Variants in DENND1B observed in about 807,000 individuals in gnomAD.
DENND1B encodes the protein DENN domain containing 1B, also known as DENN domain-containing protein 1B.
A neutral mutation model predicts 90.1 loss-of-function variants in DENND1B; 59 were observed. The observed-to-expected ratio is 0.65, with a 90% CI of 0.53 to 0.81. The LOEUF (loss-of-function observed/expected upper bound fraction) is 0.81, where lower values mean the gene tolerates loss of function less well. Among genes scored for constraint, DENND1B ranks in the 40% least tolerant of loss-of-function variants. The probability of loss-of-function intolerance (pLI) is 0.00; values close to 1 mark genes in which losing one functional copy is unlikely to be tolerated. For missense variants in DENND1B, 862 were observed against 912.6 expected, an observed-to-expected ratio of 0.94 and a Z score of 0.71; for synonymous variants, 337 against 324.6, an observed-to-expected ratio of 1.04 and a Z score of -0.41.
At chr1:197,685,119 A>AAAAAC (rs906059784) in intron 3 of DENND1B, among the ~76,000 whole-genome samples, 1 of 152,186 alleles carries the variant, frequency 6.6e-6, no homozygotes, top group Non-Finnish European at 1.5e-5. Context: ...CTCCATCTCA[A>AAAAAC]AAAACAAAAC....
intron 6 of DENND1B, among the ~76,000 whole-genome samples, chr1:197,654,905 G>C (rs1653641938): frequency 6.6e-6 from 1 of 152,168 alleles, no homozygotes; most frequent in Admixed American, 6.5e-5. Context: ...TGGGCAGACA[G>C]AAATGTCTAT....
rs1409909252 is a variant in DENND1B, at chr1:197,539,974, T to G, written c.1505A>C (p.Lys502Thr). ...AATAACCTTACTTACCTGAGCAAGC[T>G]TACGCTTTTCTGAGTTTCCTCCCTT... Reference protein sequence around the residue: ...NEKGGNSEKRKLAQARLKRPL... With the variant: ...NEKGGNSEKRTLAQARLKRPL... The change falls in exon 20 of 23, where the codon AAG (lysine) becomes ACG (threonine). Residue 502 changes from lysine (K) to threonine (T), a missense_variant. Coordinates refer to ENST00000620048, the MANE Select transcript of DENND1B (RefSeq NM_001195215.2). The G allele has an allele frequency of 6.2e-7, 1 of 1,612,578 alleles. No individual in the cohort carries two copies.
At chr1:197,567,995 G>GGGGA (rs1252222478) in intron 15 of DENND1B, among the ~76,000 whole-genome samples, 11 of 151,172 alleles carry the variant, frequency 7.3e-5, no homozygotes, top group East Asian at 3.9e-4. Flanking sequence ...GGGGAGATGA[G>GGGGA]GGGAGGGAGG....
intron 10 of DENND1B, among the ~76,000 whole-genome samples, chr1:197,634,351 T>C (rs79211976): frequency 8.8e-4 from 134 of 152,316 alleles, no homozygotes; most frequent in Middle Eastern, 6.8e-3. Flanking sequence ...ACAAAGGCTG[T>C]TACTTTATGA....
At chr1:197,526,599 C>T (rs1410693728) in intron 20 of DENND1B, among the ~76,000 whole-genome samples, 1 of 152,090 alleles carries the variant, frequency 6.6e-6, no homozygotes, top group African/African-American at 2.4e-5. Flanking sequence ...AAATGTCAGT[C>T]ATTTCTGGCA....
chr1:197,679,586 A>G (rs1438756674), intron 3 of DENND1B, among the ~76,000 whole-genome samples: 4 of 150,834 alleles, frequency 2.7e-5, no homozygotes, highest in African/African-American at 7.3e-5. Flanking sequence ...ATATACACAC[A>G]TATATTCCAT....
intron 3 of DENND1B, among the ~76,000 whole-genome samples, chr1:197,687,808 C>T (rs1328839035): frequency 6.6e-6 from 1 of 151,986 alleles, no homozygotes; most frequent in Non-Finnish European, 1.5e-5. Context: ...CTGGAAGTCA[C>T]AGTCAGAGCA....
chr1:197,646,945 AATTCACC>A, intron 8 of DENND1B, 103 bp downstream of exon 8: 1 of 747,550 alleles, frequency 1.3e-6, no homozygotes, highest in South Asian at 2.2e-5. Flanking sequence ...TTAAGAGTCA[AATTCACC>A]ATTTCCCAAA....
chr1:197,694,064 T>C lies in DENND1B; in HGVS notation c.127-19895A>G, dbSNP rs78396292. On this transcript the variant is annotated intron_variant, in intron 3 of 22. Coordinates refer to ENST00000620048, the MANE Select transcript of DENND1B (RefSeq NM_001195215.2). ...GGCTTAAATTTTAAATATTAATAAG[T>C]AACCTGACAATACTTCCTTTAAATC... is the stretch of plus-strand genomic sequence containing the variant. Among the ~76,000 whole-genome samples the C allele has an allele frequency of 6.5e-3, 982 of 151,558 alleles. 9 individuals are homozygous for C. Among genetic ancestry groups the C allele is most frequent in the East Asian group, 0.02 (103 of 5,182 alleles).
chr1:197,773,614 G>C (rs1057085772), intron 1 of DENND1B, among the ~76,000 whole-genome samples: 1 of 152,174 alleles, frequency 6.6e-6, no homozygotes. Flanking sequence ...CCAGCCATCT[G>C]CTTCCATGTT....
chr1:197,770,266 G>C (rs990096987), intron 2 of DENND1B, among the ~76,000 whole-genome samples: 1 of 151,910 alleles, frequency 6.6e-6, no homozygotes, highest in Non-Finnish European at 1.5e-5. Flanking sequence ...AACTTTACCA[G>C]GCTAGATATA....
intron 5 of DENND1B, among the ~76,000 whole-genome samples, chr1:197,662,994 G>T (rs894794866): frequency 6.6e-6 from 1 of 151,982 alleles, no homozygotes; most frequent in East Asian, 1.9e-4. Context: ...TTTTAAGTTT[G>T]GTATTGCTTC....
intron 20 of DENND1B, among the ~76,000 whole-genome samples, chr1:197,525,175 T>C (rs907363540): frequency 6.6e-6 from 1 of 152,142 alleles, no homozygotes; most frequent in African/African-American, 2.4e-5. Flanking sequence ...GTTAATACTT[T>C]TAGCCAACTT....
At chr1:197,685,955 T>C (rs551815509) in intron 3 of DENND1B, among the ~76,000 whole-genome samples, 15 of 152,326 alleles carry the variant, frequency 9.8e-5, no homozygotes, top group Admixed American at 8.5e-4. Context: ...GCCAATTTTG[T>C]TCTTAGTTCT....
At chr1:197,772,004 A>G (rs1656676606) in intron 2 of DENND1B, among the ~76,000 whole-genome samples, 1 of 152,192 alleles carries the variant, frequency 6.6e-6, no homozygotes, top group Non-Finnish European at 1.5e-5. Context: ...TCTTTTCAGG[A>G]AATTGTACGG....
intron 20 of DENND1B, among the ~76,000 whole-genome samples, chr1:197,535,125 T>C (rs1301336082): frequency 6.6e-6 from 1 of 152,198 alleles, no homozygotes; most frequent in East Asian, 1.9e-4. Flanking sequence ...TTTCCACCTG[T>C]AGCCTTTTTT....
intron 2 of DENND1B, among the ~76,000 whole-genome samples, chr1:197,769,644 CTCTATT>C (rs1656151482): frequency 1.3e-5 from 2 of 152,166 alleles, no homozygotes; most frequent in Non-Finnish European, 2.9e-5. Context: ...TCTCTAGTTT[CTCTATT>C]ATTTAAACCA....
At chr1:197,640,777 C>T (rs1680204355) in intron 10 of DENND1B, among the ~76,000 whole-genome samples, 1 of 152,154 alleles carries the variant, frequency 6.6e-6, no homozygotes, top group Non-Finnish European at 1.5e-5. Flanking sequence ...ACTCACATAG[C>T]TTATTCCCTC....
At chr1:197,539,338 A>C (rs1670153376) in intron 20 of DENND1B, among the ~76,000 whole-genome samples, 1 of 152,140 alleles carries the variant, frequency 6.6e-6, no homozygotes, top group Non-Finnish European at 1.5e-5. Flanking sequence ...TTCTTTTTTG[A>C]AGCTAGTTTT....
Sources: gnomAD v4.1 joint callset for allele counts (sites outside exome capture counted in the v4.1 genomes callset) on GRCh38, gnomAD v4.1.1 for gene constraint, MANE v1.5 for transcripts, NCBI Gene and HGNC (gene_info 2026-07-23, HGNC 2026-07-21) for gene names.